The following STX8 variants were observed in gnomAD, a reference collection of about 807,000 sequenced individuals.
STX8 encodes the protein syntaxin-8.
In STX8, 23 loss-of-function variants were observed where a neutral mutation model predicts 37.5. The ratio of observed to expected loss-of-function variants is 0.61; its 90% CI spans 0.44 to 0.87. STX8 has a LOEUF of 0.87. Among genes scored for constraint, STX8 ranks in the 40% least tolerant of loss-of-function variants. The probability of loss-of-function intolerance (pLI) is 0.00; values close to 1 mark genes in which losing one functional copy is unlikely to be tolerated. For missense variants in STX8, 313 were observed against 284.7 expected (o/e 1.10, Z -0.71); for synonymous variants, 115 against 99.1 (o/e 1.16, Z -0.95).
At chr17:9,537,729 C>G (rs1906116010) in intron 4 of STX8, among the ~76,000 whole-genome samples, 1 of 152,220 alleles carries the variant, frequency 6.6e-6, no homozygotes, top group Non-Finnish European at 1.5e-5. Flanking sequence ...GCTTTGGTCT[C>G]TGTCCTTGAG....
chr17:9,259,903 A>G (rs1906944612), intron 7 of STX8, among the ~76,000 whole-genome samples: 1 of 152,070 alleles, frequency 6.6e-6, no homozygotes, highest in Non-Finnish European at 1.5e-5. Flanking sequence ...AAATAACAAT[A>G]ATAATAATGA....
chr17:9,250,747 T>C (rs1174372514), intron 7 of STX8, 102 bp from the exon 8 acceptor site: 4 of 1,246,086 alleles, frequency 3.2e-6, no homozygotes, highest in Non-Finnish European at 4.5e-6. Flanking sequence ...TAGTTCCCTC[T>C]GAGCCTTCAG....
chr17:9,273,448 G>A (rs533908618), intron 7 of STX8: 5 of 152,318 alleles, frequency 3.3e-5, no homozygotes, highest in Non-Finnish European at 7.3e-5. Context: ...AGGGCCTCGA[G>A]GTAGGGCTGC....
chr17:9,411,188 A>G (rs1245219709), intron 6 of STX8, among the ~76,000 whole-genome samples: 1 of 152,220 alleles, frequency 6.6e-6, no homozygotes, highest in Non-Finnish European at 1.5e-5. Context: ...AAGGACCACA[A>G]GAAAGTGCTT....
At chr17:9,501,358 G>A (rs1904602732) in intron 5 of STX8, among the ~76,000 whole-genome samples, 1 of 152,176 alleles carries the variant, frequency 6.6e-6, no homozygotes, top group Non-Finnish European at 1.5e-5. Flanking sequence ...TTGGTATAAA[G>A]ATAAACAAAT....
At chr17:9,435,132 T>G (rs1021037479) in intron 6 of STX8, among the ~76,000 whole-genome samples, 2 of 152,234 alleles carry the variant, frequency 1.3e-5, no homozygotes, top group East Asian at 1.9e-4. Context: ...GAAAATAAGT[T>G]GGAGGGTGAC....
At chr17:9,349,315 TC>T (rs1910626581) in intron 7 of STX8, among the ~76,000 whole-genome samples, 1 of 141,634 alleles carries the variant, frequency 7.1e-6, no homozygotes, top group Non-Finnish European at 1.6e-5. Flanking sequence ...TATTTTCTTT[TC>T]TTTTTTTTTT....
In STX8 at chr17:9,530,052, A is replaced by C. The variant is rs1905751034; in HGVS notation, c.323+15120T>G. On this transcript the variant is annotated intron_variant, in intron 4 of 7. Coordinates refer to ENST00000306357, the MANE Select transcript of STX8 (RefSeq NM_004853.3). ...GCCGGGCGCAGTGGCTCACGCCTGT[A>C]ATCCCAGCACTTTGGGAGGCTAAGG... 2.0e-5 allele frequency among the ~76,000 whole-genome samples: 3 copies of C among 152,182 alleles called. No individual in the cohort carries two copies. The South Asian group carries it at 6.2e-4, about 32-fold the overall frequency.
At chr17:9,319,604 G>C (rs1308344278) in intron 7 of STX8, among the ~76,000 whole-genome samples, 3 of 152,134 alleles carry the variant, frequency 2.0e-5, no homozygotes, top group Non-Finnish European at 4.4e-5. Flanking sequence ...GAGGGTTTGA[G>C]GATCTTGGTC....
chr17:9,575,699 C>A lies in STX8; in HGVS notation c.17+93G>T, dbSNP rs1241289786. On this transcript the variant is annotated intron_variant, in intron 1 of 7. Coordinates refer to ENST00000306357, the MANE Select transcript of STX8 (RefSeq NM_004853.3). ...TGCCCCTCCCCTCATCCCGAAAGGC[C>A]ACCAGCGGCAATGCGAAGTGATTGC... 2.0e-6 allele frequency: 3 copies of A among 1,471,668 alleles called. No homozygotes were observed. The Admixed American group carries it at 6.0e-5, about 29-fold the overall frequency. 91.2% of individuals were successfully genotyped at this position (1,471,668 alleles called of 1,614,324 possible).
At chr17:9,542,925 AAGGC>A (rs2142563739) in intron 4 of STX8, among the ~76,000 whole-genome samples, 1 of 152,230 alleles carries the variant, frequency 6.6e-6, no homozygotes, top group African/African-American at 2.4e-5. Flanking sequence ...AGGGGTGACA[AAGGC>A]AGGCAAGCGG....
chr17:9,348,417 CAAA>C (rs1190839413), intron 7 of STX8, among the ~76,000 whole-genome samples: 14 of 99,400 alleles, frequency 1.4e-4, no homozygotes, highest in Admixed American at 3.4e-4. Context: ...GACTCTGTCT[CAAA>C]AAAAAAAAAA....
chr17:9,428,849 T>C (rs1032973420), intron 6 of STX8, among the ~76,000 whole-genome samples: 1 of 152,178 alleles, frequency 6.6e-6, no homozygotes, highest in African/African-American at 2.4e-5. Context: ...AAGAGCTCAA[T>C]AGCTACAAGT....
chr17:9,342,175 T>C (rs754027673), intron 7 of STX8, among the ~76,000 whole-genome samples: 8 of 152,130 alleles, frequency 5.3e-5, no homozygotes, highest in Non-Finnish European at 8.8e-5. Flanking sequence ...GGGTTTGCGC[T>C]CCTATATCTA....
At chr17:9,410,404 G>A (rs1912940767) in intron 6 of STX8, among the ~76,000 whole-genome samples, 1 of 152,138 alleles carries the variant, frequency 6.6e-6, no homozygotes, top group Non-Finnish European at 1.5e-5. Context: ...TTAAATTTAA[G>A]TCAAATAAGT....
intron 2 of STX8, among the ~76,000 whole-genome samples, chr17:9,561,974 T>A (rs1283297466): frequency 6.6e-6 from 1 of 152,042 alleles, no homozygotes; most frequent in East Asian, 1.9e-4. Context: ...ATAGCAGCCC[T>A]TCGTGTAAAA....
chr17:9,544,017 C>T (rs909770442), intron 4 of STX8, among the ~76,000 whole-genome samples: 1 of 152,140 alleles, frequency 6.6e-6, no homozygotes, highest in Non-Finnish European at 1.5e-5. Context: ...CCTGAGACCT[C>T]CCTGCCCCTC....
intron 7 of STX8, among the ~76,000 whole-genome samples, chr17:9,366,446 G>A (rs1296235311): frequency 6.6e-6 from 1 of 152,142 alleles, no homozygotes; most frequent in Non-Finnish European, 1.5e-5. Flanking sequence ...TGGCCAGGCT[G>A]GTCTTGAACT....
Position 9,569,030 on chromosome 17 carries a change from A to G in STX8, c.18-560T>C, listed in dbSNP as rs996008472. Reference sequence around the variant, plus strand: ...CATTACCATCTCCAACTCACACATGAGAAAAGGAGGCACAAAGAGTTAGAG... The same window carrying G: ...CATTACCATCTCCAACTCACACATGGGAAAAGGAGGCACAAAGAGTTAGAG... On this transcript the variant is annotated intron_variant, in intron 1 of 7. Coordinates refer to ENST00000306357, the MANE Select transcript of STX8 (RefSeq NM_004853.3). Among the ~76,000 whole-genome samples, 3 of 152,210 alleles carry G rather than the reference A, an allele frequency of 2.0e-5. No homozygotes were observed. In the East Asian group the frequency reaches 5.8e-4, roughly 29 times the overall value.
Sources: gnomAD v4.1 joint callset for allele counts (sites outside exome capture counted in the v4.1 genomes callset) on GRCh38, gnomAD v4.1.1 for gene constraint, MANE v1.5 for transcripts, NCBI Gene and HGNC (gene_info 2026-07-23, HGNC 2026-07-21) for gene names.